Variants in APPBP2 observed in about 807,000 individuals in gnomAD.
The protein encoded by APPBP2 is amyloid beta precursor protein binding protein 2, also known as amyloid protein-binding protein 2.
Under a neutral mutation model 76.0 loss-of-function variants are expected in APPBP2, and 15 were observed. That is an observed-to-expected ratio of 0.20 (90% CI 0.13 to 0.30). The LOEUF is 0.30. Among genes scored for constraint, APPBP2 ranks in the 10% least tolerant of loss-of-function variants. The pLI is 1.00. For missense variants in APPBP2, 401 were observed against 687.2 expected (o/e 0.58, Z 4.66); for synonymous variants, 222 against 242.2 (o/e 0.92, Z 0.77).
chr17:60,466,535 C>T, intron 4 of APPBP2, 76 bp from the exon 5 acceptor site: 1 of 1,379,778 alleles, frequency 7.2e-7, no homozygotes, highest in Non-Finnish European at 1.0e-6. Context: ...TACCAATCAC[C>T]TGAATGACTT....
chr17:60,510,962 C>G (rs571560375), intron 1 of APPBP2, among the ~76,000 whole-genome samples: 2 of 152,030 alleles, frequency 1.3e-5, no homozygotes, highest in Non-Finnish European at 2.9e-5. Flanking sequence ...GTTTTCCCCC[C>G]CAATGGTTAA....
chr17:60,489,674 G>A (rs889180046), intron 3 of APPBP2, among the ~76,000 whole-genome samples: 16 of 150,256 alleles, frequency 1.1e-4, no homozygotes, highest in African/African-American at 3.4e-4. Flanking sequence ...GGATGTATAC[G>A]CACGTGTGTA....
Position 60,447,625 on chromosome 17 carries a change from G to A in APPBP2, c.1714C>T (p.Gln572Ter). ...TSPQSTEEVV[Q>*]SFLISQNVEG... is the part of the protein sequence containing the mutation. Reference sequence around the variant, plus strand: ...ACATTCTGAGAAATCAGGAAGGACTGCACCACTTCTTCAGTGGACTGGGGG... The same window carrying A: ...ACATTCTGAGAAATCAGGAAGGACTACACCACTTCTTCAGTGGACTGGGGG... The change falls in exon 13 of 13, where the codon CAG (glutamine) becomes TAG (stop). Residue 572 changes from glutamine to a stop codon, truncating the protein, a stop_gained. Coordinates refer to ENST00000083182, the MANE Select transcript of APPBP2 (RefSeq NM_006380.5). LOFTEE classifies it high-confidence loss of function. 6.2e-7 allele frequency: 1 copy of A among 1,614,064 alleles called. No homozygotes were observed. Among genetic ancestry groups the A allele is most frequent in the Non-Finnish European group, 8.5e-7 (1 of 1,180,012 alleles).
chr17:60,502,985 A>G (rs2090834116), intron 1 of APPBP2, among the ~76,000 whole-genome samples: 1 of 145,398 alleles, frequency 6.9e-6, no homozygotes, highest in East Asian at 1.9e-4. Context: ...ATGAGAGTCT[A>G]TATTTGATAT....
At chr17:60,466,212 TAAGAG>T in intron 5 of APPBP2, 74 bp downstream of exon 5, 2 of 1,336,572 alleles carry the variant, frequency 1.5e-6, no homozygotes, top group Non-Finnish European at 1.0e-6. Flanking sequence ...GTAAGAAAAA[TAAGAG>T]AAGACTATTT....
At chr17:60,518,259 C>T (rs935306792) in intron 1 of APPBP2, among the ~76,000 whole-genome samples, 2 of 151,996 alleles carry the variant, frequency 1.3e-5, no homozygotes, top group African/African-American at 4.8e-5. Flanking sequence ...GTTACCCAGG[C>T]TAGTCTTGAA....
chr17:60,458,501 T>G (rs1173622284), intron 9 of APPBP2, among the ~76,000 whole-genome samples: 1 of 152,118 alleles, frequency 6.6e-6, no homozygotes, highest in African/African-American at 2.4e-5. Flanking sequence ...CTTCATTCTT[T>G]CTTTTATATT....
Position 60,454,779 on chromosome 17 carries a change from T to C in APPBP2, c.1148-287A>G, listed in dbSNP as rs568317568. Among the ~76,000 whole-genome samples, 3 of 152,338 alleles carry C rather than the reference T, an allele frequency of 2.0e-5. No individual in the cohort carries two copies. In the East Asian group the frequency reaches 5.8e-4, roughly 29 times the overall value. The stretch of plus-strand genomic sequence containing the variant: ...AATAGACTGCTATACTTTGCTGATG[T>C]GAAATTTGTTTTTCAAATTAAACGG... On this transcript the variant is annotated intron_variant, in intron 10 of 12. Coordinates refer to ENST00000083182, the MANE Select transcript of APPBP2 (RefSeq NM_006380.5).
rs1488232868 is a variant in APPBP2, at chr17:60,444,338, A to G, written c.*3243T>C. On this transcript the variant is annotated 3_prime_UTR_variant, in exon 13 of 13. Transcript: ENST00000083182. ...AAAGTGGCAGTTAATGATACCTGTT[A>G]TGAGCAAATCATTATTTCTATGTAT... 6.6e-5 allele frequency: 10 copies of G among 152,496 alleles called. No homozygotes were observed. The highest frequency in any genetic ancestry group is 1.2e-4 in the Non-Finnish European group (8 of 68,022). The allele number at this position is 152,496 out of a possible 1,614,324, so 9.4% of individuals were successfully genotyped here.
chr17:60,505,379 G>A (rs1262885604), intron 1 of APPBP2, among the ~76,000 whole-genome samples: 3 of 152,204 alleles, frequency 2.0e-5, no homozygotes, highest in South Asian at 2.1e-4. Flanking sequence ...GCAGTGGCAC[G>A]ATCTTGGCTC....
In APPBP2 at chr17:60,464,166, T is replaced by C. The variant is rs115191333; in HGVS notation, c.673-56A>G. 4,081 of 1,420,178 alleles carry C rather than the reference T, an allele frequency of 2.9e-3. 107 individuals are homozygous for C. In the African/African-American group the frequency reaches 0.052, roughly 18 times the overall value. 88.0% of individuals were successfully genotyped at this position (1,420,178 alleles called of 1,614,324 possible). On this transcript the variant is annotated intron_variant, in intron 5 of 12. Transcript: ENST00000083182. ...CTGTGGTTAAATCAAGTTGACAATA[T>C]TTAACAAGATGACTGCAAAATTTTT...
At chr17:60,519,575 A>G (rs1187103988) in intron 1 of APPBP2, among the ~76,000 whole-genome samples, 1 of 151,934 alleles carries the variant, frequency 6.6e-6, no homozygotes, top group South Asian at 2.1e-4. Flanking sequence ...AGGCAGGAGG[A>G]TCACTTGGGG....
chr17:60,523,000 G>C (rs1000703048), intron 1 of APPBP2, among the ~76,000 whole-genome samples: 2 of 151,320 alleles, frequency 1.3e-5, no homozygotes, highest in Non-Finnish European at 2.9e-5. Flanking sequence ...AATGCTTTAC[G>C]ATTGTGCCTT....
chr17:60,480,241 C>T (rs1285555106), intron 3 of APPBP2, among the ~76,000 whole-genome samples: 1 of 152,044 alleles, frequency 6.6e-6, no homozygotes, highest in East Asian at 1.9e-4. Flanking sequence ...GATGTGGTGG[C>T]GAGTGCCTGT....
chr17:60,475,911 C>G (rs1249897954), intron 4 of APPBP2, among the ~76,000 whole-genome samples: 2 of 152,160 alleles, frequency 1.3e-5, no homozygotes, highest in Non-Finnish European at 1.5e-5. Flanking sequence ...CTTAAACAAA[C>G]CATGCTCACA....
intron 1 of APPBP2, among the ~76,000 whole-genome samples, chr17:60,501,657 C>T (rs770747675): frequency 6.6e-6 from 1 of 152,120 alleles, no homozygotes; most frequent in Non-Finnish European, 1.5e-5. Flanking sequence ...TAAATTTACA[C>T]ATGCTATATA....
At chr17:60,483,947 C>T (rs7223222) in intron 3 of APPBP2, among the ~76,000 whole-genome samples, 2,361 of 149,976 alleles carry the variant, frequency 0.016, 77 homozygotes, top group African/African-American at 0.056. Flanking sequence ...TTTCTACCTA[C>T]GGCTAGCCAG....
intron 2 of APPBP2, among the ~76,000 whole-genome samples, chr17:60,496,063 T>C (rs1410737537): frequency 6.6e-6 from 1 of 152,114 alleles, no homozygotes; most frequent in Non-Finnish European, 1.5e-5. Context: ...ATATAAAATA[T>C]CTAGACTAGG....
intron 1 of APPBP2, among the ~76,000 whole-genome samples, chr17:60,521,167 C>T (rs963586299): frequency 5.9e-5 from 9 of 152,162 alleles, no homozygotes; most frequent in Admixed American, 5.9e-4. Flanking sequence ...GGAGAGAAAA[C>T]TTTCAGAATC....
Sources: gnomAD v4.1 joint callset for allele counts (sites outside exome capture counted in the v4.1 genomes callset) on GRCh38, gnomAD v4.1.1 for gene constraint, MANE v1.5 for transcripts, NCBI Gene and HGNC (gene_info 2026-07-23, HGNC 2026-07-21) for gene names.